LILRB1: variants seen among roughly 807,000 people sequenced by gnomAD.
LILRB1 encodes the protein leukocyte immunoglobulin like receptor B1.
Under a neutral mutation model 74.6 loss-of-function variants are expected in LILRB1, and 59 were observed. The observed-to-expected ratio is 0.79, with a 90% CI of 0.64 to 0.98. LILRB1 has a LOEUF of 0.98. Ranked by LOEUF, LILRB1 falls within the 50% of genes least tolerant of loss-of-function variation. The pLI, the probability that LILRB1 is intolerant of heterozygous loss-of-function variation, is 0.00. For synonymous variants in LILRB1, 328 were observed against 333.9 expected (o/e 0.98, Z 0.19); for missense variants, 804 against 822.6 (o/e 0.98, Z 0.28).
intron 8 of LILRB1, 89 bp from the exon 9 acceptor site, chr19:54,633,882 A>C (rs2064143603): frequency 6.6e-7 from 1 of 1,518,062 alleles, no homozygotes; most frequent in African/African-American, 1.4e-5. Flanking sequence ...AGGCAGAGAG[A>C]AATGTTGGGG....
rs2063913791 is a variant in LILRB1 at position 54,632,031 on chromosome 19, A to G, written c.455A>G (p.Asp152Gly). Reference protein sequence around the residue: ...TLQCDSQVAFDGFILCKEGED... With the variant: ...TLQCDSQVAFGGFILCKEGED... ...CAGTGTGACTCACAGGTGGCATTTG[A>G]TGGCTTCATTCTGTGTAAGGAAGGA... The change falls in exon 5 of 15, where the codon GAT (aspartate) becomes GGT (glycine). Residue 152 changes from aspartate (D) to glycine (G), a missense_variant. Transcript: ENST00000324602. 6.2e-7 allele frequency: 1 copy of G among 1,614,194 alleles called. No individual in the cohort carries two copies. Among genetic ancestry groups the G allele is most frequent in the African/African-American group, 1.3e-5 (1 of 75,076 alleles).
rs773404829 is a variant in LILRB1 at position 54,632,042 on chromosome 19, C to G, written c.466C>G (p.Leu156Val). The G allele has an allele frequency of 1.2e-6, 2 of 1,614,238 alleles. No individual in the cohort carries two copies. Among genetic ancestry groups the G allele is most frequent in the Admixed American group, 1.7e-5 (1 of 60,034 alleles). ...ACAGGTGGCATTTGATGGCTTCATT[C>G]TGTGTAAGGAAGGAGAAGATGAACA... ...DSQVAFDGFILCKEGEDEHPQ... is the reference protein window; with the variant it reads ...DSQVAFDGFIVCKEGEDEHPQ... Residue 156 changes from leucine to valine, a missense_variant, in exon 5 of 15, where the codon CTG becomes GTG. Physicochemically the swap from Leu to Val is conservative, Grantham distance 32. Transcript: ENST00000324602.
At chr19:54,635,848 G>A (rs1194216219) in intron 13 of LILRB1, 1 of 694,368 alleles carries the variant, frequency 1.4e-6, no homozygotes, top group South Asian at 1.5e-5. Context: ...CTGGTTGTTA[G>A]AGCTCTCCCC....
rs1027681751 is a variant in LILRB1 at position 54,631,108 on chromosome 19, G to T, written c.34+1G>T. On this transcript the variant is annotated splice_donor_variant, in intron 2 of 14. Transcript: ENST00000324602. LOFTEE classifies it high-confidence loss of function. ...ATCCTCACGGTCCTGATCTGTCTCG[G>T]TGAGATTTGAAGAAGGAGGGGAGCT... The T allele has an allele frequency of 9.9e-6, 16 of 1,614,188 alleles. No homozygotes were observed. The highest frequency in any genetic ancestry group is 1.4e-5 in the Non-Finnish European group (16 of 1,180,012).
chr19:54,628,816 A>G (rs191393372), upstream of LILRB1, among the ~76,000 whole-genome samples: 10 of 152,332 alleles, frequency 6.6e-5, no homozygotes, highest in Non-Finnish European at 1.5e-4. Flanking sequence ...ACCATCAGAA[A>G]GGCAGGGACA....
intron 13 of LILRB1, chr19:54,635,907 T>C (rs1473657425): frequency 3.2e-6 from 2 of 619,834 alleles, no homozygotes; most frequent in Non-Finnish European, 6.2e-6. Flanking sequence ...TCCCCCAGGC[T>C]CCCCTTCATT....
intron 5 of LILRB1, 97 bp downstream of exon 5, chr19:54,632,334 G>A (rs2063948760): frequency 2.6e-6 from 4 of 1,554,724 alleles, no homozygotes; most frequent in Middle Eastern, 1.9e-4. Flanking sequence ...TGATGTTGGG[G>A]CGAGAGGGCT....
chr19:54,632,742 CT>C lies in LILRB1; in HGVS notation c.941del (p.Leu314ArgfsTer4). 5 of 1,612,184 alleles carry C rather than the reference CT, an allele frequency of 3.1e-6. No homozygotes were observed. Among genetic ancestry groups the C allele is most frequent in the Non-Finnish European group, 4.2e-6 (5 of 1,179,964 alleles). On this transcript the variant is annotated frameshift_variant, in exon 6 of 15. Coordinates refer to ENST00000324602, the MANE Select transcript of LILRB1 (RefSeq NM_001081637.3). LOFTEE classifies it high-confidence loss of function. ...CGAGTGGTCGGCCCCCAGCGACCCCCTGGACATCCTGATCGCAGGTGAGGAG... is the reference window on the plus strand; with the variant it reads ...CGAGTGGTCGGCCCCCAGCGACCCCCGGACATCCTGATCGCAGGTGAGGAG... Reference protein sequence around the residue: ...SSEWSAPSDPLDILIAGQFYD... With the variant: ...SSEWSAPSDPXDILIAGQFYD...
upstream of LILRB1, among the ~76,000 whole-genome samples, chr19:54,627,155 A>G (rs2063615977): frequency 6.6e-6 from 1 of 152,234 alleles, no homozygotes; most frequent in South Asian, 2.1e-4. Context: ...GGACAGATGC[A>G]TGCTTTCACC....
At chr19:54,625,416 C>CAG (rs1046952487), upstream of LILRB1, among the ~76,000 whole-genome samples, 28 of 152,206 alleles carry the variant, frequency 1.8e-4, 1 homozygote, top group African/African-American at 6.5e-4. Context: ...GCTCAGGGAT[C>CAG]AGAAGCCTGT....
At chr19:54,635,640 A>T (rs539199139) in intron 13 of LILRB1, 31 bp downstream of exon 13, 4 of 1,609,686 alleles carry the variant, frequency 2.5e-6, no homozygotes, top group Non-Finnish European at 3.4e-6. Context: ...CAGGCACCAA[A>T]GGCCTCCTGG....
At chr19:54,624,081 A>T (rs1190383972) in intron 1 of LILRB1, among the ~76,000 whole-genome samples, 6 of 152,090 alleles carry the variant, frequency 3.9e-5, no homozygotes, top group Admixed American at 3.9e-4. Flanking sequence ...GAAGGGCTGG[A>T]CCGTGGAGTG....
At chr19:54,633,388 G>A in intron 7 of LILRB1, 70 bp downstream of exon 7, 1 of 1,551,962 alleles carries the variant, frequency 6.4e-7, no homozygotes, top group Admixed American at 1.9e-5. Context: ...GAGAGCTCTG[G>A]GCTGGGATGG....
upstream of LILRB1, among the ~76,000 whole-genome samples, chr19:54,625,729 G>A (rs1283071008): frequency 1.3e-4 from 17 of 134,274 alleles, no homozygotes; most frequent in Non-Finnish European, 2.2e-4. Context: ...CCCCTTCCCC[G>A]GGTTAGGGAG....
intron 9 of LILRB1, chr19:54,634,266 G>A (rs992605124): frequency 8.1e-5 from 123 of 1,522,436 alleles, no homozygotes; most frequent in African/African-American, 1.7e-4. Context: ...CCGATTCCGC[G>A]GGGGCCTGTC....
chr19:54,620,723 G>A (rs2063433794), intron 1 of LILRB1, among the ~76,000 whole-genome samples: 1 of 152,130 alleles, frequency 6.6e-6, no homozygotes, highest in Admixed American at 6.5e-5. Flanking sequence ...CTTTGTATGC[G>A]AGCCAGGTGG....
At chr19:54,621,089 G>T (rs1441949992) in intron 1 of LILRB1, among the ~76,000 whole-genome samples, 1 of 152,080 alleles carries the variant, frequency 6.6e-6, no homozygotes, top group Non-Finnish European at 1.5e-5. Flanking sequence ...GCCCAGGCTG[G>T]TCTCACACTC....
intron 2 of LILRB1, 65 bp downstream of exon 2, chr19:54,631,172 T>C (rs2296368): frequency 1.3e-6 from 2 of 1,574,398 alleles, no homozygotes; most frequent in Non-Finnish European, 1.7e-6. Flanking sequence ...GCCAAACTCT[T>C]GTCCCTAAGG....
In LILRB1 at chr19:54,636,940, C is replaced by A. The variant is rs1165870442; in HGVS notation, c.*62C>A. On this transcript the variant is annotated 3_prime_UTR_variant, in exon 15 of 15. Coordinates refer to ENST00000324602, the MANE Select transcript of LILRB1 (RefSeq NM_001081637.3). The stretch of plus-strand genomic sequence containing the variant: ...CTGGAATGCATGGGAGCTGCCCCCC[C>A]AGTGGACACCATTGGACCCCACCCA... The A allele has an allele frequency of 1.9e-6, 3 of 1,601,994 alleles. No homozygotes were observed. The highest frequency in any genetic ancestry group is 8.5e-7 in the Non-Finnish European group (1 of 1,172,278).
Sources: gnomAD v4.1 joint callset for allele counts (sites outside exome capture counted in the v4.1 genomes callset) on GRCh38, gnomAD v4.1.1 for gene constraint, MANE v1.5 for transcripts, NCBI Gene and HGNC (gene_info 2026-07-23, HGNC 2026-07-21) for gene names.